Variants in HTR2C observed in about 807,000 individuals in gnomAD.
The protein encoded by HTR2C is 5-hydroxytryptamine receptor 2C, also known as 5-hydroxytryptamine (serotonin) receptor 2C, G protein-coupled.
HTR2C carries 5 observed loss-of-function variants against 21.0 expected under a neutral mutation model. That is an observed-to-expected ratio of 0.24 (90% confidence interval 0.12 to 0.50). The LOEUF is 0.50. HTR2C is among the 20% of genes least tolerant of loss of function. The probability of loss-of-function intolerance (pLI) is 0.98; values close to 1 mark genes in which losing one functional copy is unlikely to be tolerated. For missense variants in HTR2C, 271 were observed against 371.2 expected, an observed-to-expected ratio of 0.73 and a Z score of 2.22; for synonymous variants, 150 against 145.3, an observed-to-expected ratio of 1.03 and a Z score of -0.23.
At chrX:114,806,516 CCA>C (rs1491498535) in intron 4 of HTR2C, among the ~76,000 whole-genome samples, 8 of 91,799 alleles carry the variant, frequency 8.7e-5, no homozygotes, top group East Asian at 3.4e-4. Flanking sequence ...CATATATACA[CCA>C]CATATATACA....
intron 2 of HTR2C, among the ~76,000 whole-genome samples, chrX:114,698,474 AAACACG>A (rs1288852119): frequency 8.4e-3 from 286 of 34,004 alleles, no homozygotes; most frequent in African/African-American, 0.038. Flanking sequence ...ACACACACAC[AAACACG>A]CACACACACA....
At chrX:114,740,317 A>G (rs1175334312) in intron 4 of HTR2C, among the ~76,000 whole-genome samples, 1 of 109,935 alleles carries the variant, frequency 9.1e-6, no homozygotes, top group East Asian at 2.8e-4. Context: ...CTTGAATTGC[A>G]CTGTGGCAAG....
intron 4 of HTR2C, among the ~76,000 whole-genome samples, chrX:114,844,711 G>A: frequency 9.0e-6 from 1 of 111,589 alleles, no homozygotes. Flanking sequence ...AGTTGAGGTG[G>A]CTGAACTTGT....
At position 114,704,023 on chromosome X, in the gene HTR2C, T is replaced by A. The variant is rs193225986; in HGVS notation, c.-79-22835T>A. 2.7e-3 allele frequency among the ~76,000 whole-genome samples: 296 copies of A among 111,018 alleles called. 1 individual carries two copies. The highest frequency in any genetic ancestry group is 9.1e-3 in the African/African-American group (277 of 30,601). On this transcript the variant is annotated intron_variant, in intron 2 of 5. Coordinates refer to ENST00000276198, the MANE Select transcript of HTR2C (RefSeq NM_000868.4). ...GAATAAACCAGGAAGAAATTGAATC[T>A]CTGAATAGACCAATAACAGCCTCTG... is the stretch of plus-strand genomic sequence containing the variant.
intron 2 of HTR2C, among the ~76,000 whole-genome samples, chrX:114,665,451 G>A (rs1173184286): frequency 2.7e-5 from 3 of 111,694 alleles, no homozygotes; most frequent in Non-Finnish European, 5.6e-5. Flanking sequence ...GGTGTTCAGG[G>A]TAATGAACCC....
Position 114,805,797 on chromosome X carries a change from T to C in HTR2C, c.350-42206T>C, listed in dbSNP as rs868928863. Among the ~76,000 whole-genome samples the C allele has an allele frequency of 1.3e-3, 130 of 98,357 alleles. 16 individuals carry two copies. The highest frequency in any genetic ancestry group is 5.1e-3 in the African/African-American group (127 of 24,767). The allele number at this position is 98,357 out of a possible 115,157, so 85.4% of individuals were successfully genotyped here. On this transcript the variant is annotated intron_variant, in intron 4 of 5. Transcript: ENST00000276198. ...ATACCATGTATATACACCATATATA[T>C]ACCATGTATATACACCATATATATA...
intron 4 of HTR2C, among the ~76,000 whole-genome samples, chrX:114,806,951 T>TAC (rs1378562330): frequency 3.0e-5 from 3 of 101,076 alleles, no homozygotes; most frequent in African/African-American, 1.1e-4. Flanking sequence ...ATACCATATA[T>TAC]ACCATATGTA....
At chrX:114,669,749 G>A (rs1556411387) in intron 2 of HTR2C, among the ~76,000 whole-genome samples, 1 of 111,703 alleles carries the variant, frequency 9.0e-6, no homozygotes, top group African/African-American at 3.3e-5. Flanking sequence ...AATAAACTAG[G>A]GGTGTTTTAT....
At chrX:114,905,950 A>G (rs1317665115) in intron 5 of HTR2C, among the ~76,000 whole-genome samples, 2 of 111,416 alleles carry the variant, frequency 1.8e-5, no homozygotes, top group African/African-American at 6.5e-5. Context: ...TCTACATTTT[A>G]CCCTCTCTTG....
chrX:114,618,968 C>G (rs1017100256), intron 2 of HTR2C, among the ~76,000 whole-genome samples: 18 of 110,530 alleles, frequency 1.6e-4, no homozygotes, highest in Admixed American at 2.9e-4. Context: ...ATATGAAAAC[C>G]AAATCATATA....
intron 4 of HTR2C, among the ~76,000 whole-genome samples, chrX:114,744,046 G>C (rs1246541956): frequency 9.0e-6 from 1 of 111,170 alleles, no homozygotes. Flanking sequence ...CAGATGAAAA[G>C]GGTTATTAAA....
At position 114,815,608 on chromosome X, in the gene HTR2C, C is replaced by A. The variant is rs1259486567; in HGVS notation, c.350-32395C>A. On this transcript the variant is annotated intron_variant, in intron 4 of 5. Coordinates refer to ENST00000276198, the MANE Select transcript of HTR2C (RefSeq NM_000868.4). Reference sequence around the variant, plus strand: ...GGTAAAAGAATATCTTGATGACCTCCAACCATCGTGCCTAAATTATTGATA... The same window carrying A: ...GGTAAAAGAATATCTTGATGACCTCAAACCATCGTGCCTAAATTATTGATA... Among the ~76,000 whole-genome samples, 3 of 111,460 alleles carry A rather than the reference C, an allele frequency of 2.7e-5. No homozygotes were observed. In the East Asian group the frequency reaches 8.4e-4, roughly 31 times the overall value.
intron 2 of HTR2C, among the ~76,000 whole-genome samples, chrX:114,725,703 T>C (rs1421634287): frequency 9.0e-6 from 1 of 110,581 alleles, no homozygotes; most frequent in Admixed American, 9.6e-5. Context: ...GGTGTGGATG[T>C]CCTTTCTGTT....
chrX:114,584,906 G>A (rs2147783896), intron 1 of HTR2C, among the ~76,000 whole-genome samples: 1 of 105,500 alleles, frequency 9.5e-6, no homozygotes, highest in South Asian at 4.6e-4. Context: ...GCGGGGGCTC[G>A]AGATGAAGAC....
chrX:114,644,367 ATATATAT>A (rs1930270690), intron 2 of HTR2C, among the ~76,000 whole-genome samples: 3,667 of 48,305 alleles, frequency 0.076, 125 homozygotes, highest in South Asian at 0.19. Context: ...AAATAAATAT[ATATATAT>A]ATATATATAT....
chrX:114,618,431 A>T (rs984321142), intron 2 of HTR2C, among the ~76,000 whole-genome samples: 1 of 112,176 alleles, frequency 8.9e-6, no homozygotes, highest in African/African-American at 3.2e-5. Context: ...CAAAAATCGG[A>T]TTGACTTTTT....
intron 4 of HTR2C, among the ~76,000 whole-genome samples, chrX:114,778,021 T>C (rs1186298327): frequency 1.8e-5 from 2 of 111,745 alleles, no homozygotes; most frequent in Non-Finnish European, 3.8e-5. Context: ...TAACAGAAAA[T>C]GTTTGGCAGA....
intron 5 of HTR2C, among the ~76,000 whole-genome samples, chrX:114,861,485 A>G (rs1032719680): frequency 1.6e-4 from 18 of 111,323 alleles, no homozygotes; most frequent in Non-Finnish European, 2.8e-4. Context: ...TGCAATGAGC[A>G]TGGGAGAGCA....
intron 4 of HTR2C, among the ~76,000 whole-genome samples, chrX:114,753,790 G>A (rs894432731): frequency 1.8e-5 from 2 of 111,746 alleles, no homozygotes; most frequent in African/African-American, 6.5e-5. Context: ...AAATCAAGAG[G>A]CATACCCTGT....
Sources: allele counts gnomAD v4.1 joint callset (sites outside exome capture counted in the v4.1 genomes callset), GRCh38; gene constraint gnomAD v4.1.1; transcripts MANE v1.5; gene names NCBI Gene and HGNC (gene_info 2026-07-23, HGNC 2026-07-21).